The following TUBA3D variants were observed in gnomAD, a reference collection of about 807,000 sequenced individuals.
The protein encoded by TUBA3D is tubulin alpha-3D chain.
Under a neutral mutation model 36.1 loss-of-function variants are expected in TUBA3D, and 24 were observed. The observed-to-expected ratio is 0.66, with a 90% confidence interval of 0.48 to 0.93. The LOEUF is 0.93. Among genes scored for constraint, TUBA3D ranks in the 40% least tolerant of loss-of-function variants. The probability of loss-of-function intolerance (pLI) is 0.00; values close to 1 mark genes in which losing one functional copy is unlikely to be tolerated. For synonymous variants in TUBA3D, 185 were observed against 247.2 expected, an observed-to-expected ratio of 0.75 and a Z score of 2.36; for missense variants, 356 against 614.5, an observed-to-expected ratio of 0.58 and a Z score of 4.45.
chr2:131,480,910 C>CTT (rs375835410), intron 4 of TUBA3D, among the ~76,000 whole-genome samples, 161 bp downstream of exon 4: 81 of 146,118 alleles, frequency 5.5e-4, no homozygotes, highest in African/African-American at 1.9e-3. Context: ...TCAGTGATTT[C>CTT]TTTTTTTTTT....
chr2:131,476,172 G>T lies in TUBA3D; in HGVS notation c.-28G>T. 1 of 1,613,888 alleles carries T rather than the reference G, an allele frequency of 6.2e-7. No homozygotes were observed. Among genetic ancestry groups the T allele is most frequent in the South Asian group, 1.1e-5 (1 of 91,068 alleles). ...GGCAGCCGGTTGAGGTCTGGCAGTA[G>T]CGTTGGGCTGAAGCAGCGGAGTTCG... On this transcript the variant is annotated 5_prime_UTR_variant, in exon 1 of 5. Coordinates refer to ENST00000321253, the MANE Select transcript of TUBA3D (RefSeq NM_080386.4).
At chr2:131,482,486 A>C (rs35676146) in intron 4 of TUBA3D, 66 bp from the exon 5 acceptor site, 3 of 1,536,528 alleles carry the variant, frequency 2.0e-6, no homozygotes, top group Middle Eastern at 3.5e-4. Flanking sequence ...TGTTTGAGGA[A>C]AAGTAGCTAC....
rs752616713 is a variant in TUBA3D, at chr2:131,482,667, T to G, written c.1172T>G (p.Leu391Arg). The change falls in exon 5 of 5, where the codon CTG becomes CGG. Residue 391 changes from leucine to arginine, a missense_variant. Coordinates refer to ENST00000321253, the MANE Select transcript of TUBA3D (RefSeq NM_080386.4). Reference sequence around the variant, plus strand: ...GCCATTGCGGAGGCCTGGGCCCGCCTGGACCATAAGTTCGATCTCATGTAT... The same window carrying G: ...GCCATTGCGGAGGCCTGGGCCCGCCGGGACCATAAGTTCGATCTCATGTAT... ...TTAIAEAWAR[L>R]DHKFDLMYAK... 6.2e-7 allele frequency: 1 copy of G among 1,614,212 alleles called. No individual in the cohort carries two copies. The highest frequency in any genetic ancestry group is 2.2e-5 in the East Asian group (1 of 44,872).
chr2:131,476,273 C>T, intron 1 of TUBA3D, 71 bp downstream of exon 1: 1 of 1,611,084 alleles, frequency 6.2e-7, no homozygotes, highest in Admixed American at 1.7e-5. Flanking sequence ...GACAGAGGGA[C>T]GTTGTTGCGG....
At chr2:131,478,449 C>T (rs879105735) in intron 2 of TUBA3D, 63 bp downstream of exon 2, 6 of 1,434,602 alleles carry the variant, frequency 4.2e-6, no homozygotes, top group Admixed American at 4.4e-5. Context: ...GGTAAAGCCC[C>T]GTGTGGGCTC....
At chr2:131,476,278 T>C (rs1005421286) in intron 1 of TUBA3D, 76 bp downstream of exon 1, 7 of 1,609,974 alleles carry the variant, frequency 4.3e-6, no homozygotes, top group Non-Finnish European at 5.9e-6. Context: ...AGGGACGTTG[T>C]TGCGGGCCTG....
At chr2:131,482,105 T>A (rs1222043223) in intron 4 of TUBA3D, among the ~76,000 whole-genome samples, 1 of 152,248 alleles carries the variant, frequency 6.6e-6, no homozygotes, top group Non-Finnish European at 1.5e-5. Context: ...TACCTTTGCA[T>A]ATCCACAGTG....
rs1402777356 is a variant in TUBA3D, at chr2:131,482,605, G to A, written c.1110G>A (p.Lys370=). 3 of 1,613,968 alleles carry A rather than the reference G, an allele frequency of 1.9e-6. No homozygotes were observed. The highest frequency in any genetic ancestry group is 2.5e-6 in the Non-Finnish European group (3 of 1,179,896). ...PTVVPGGDLA[K]VQRAVCMLSN... is the part of the protein sequence containing the mutation. ...TGGTCCCCGGGGGAGACCTGGCCAA[G>A]GTGCAGCGGGCCGTGTGCATGCTGA... is the stretch of plus-strand genomic sequence containing the variant. The change falls in exon 5 of 5, where the codon AAG becomes AAA. Residue 370 remains lysine (K), a synonymous_variant. Transcript: ENST00000321253.
rs144693747 is a variant in TUBA3D, at chr2:131,480,491, C to G, written c.798C>G (p.His266Gln). ...ACCTAGTGCCGTACCCCCGCATCCACTTCCCCCTGGCCACCTATGCCCCAG... is the reference window on the plus strand; with the variant it reads ...ACCTAGTGCCGTACCCCCGCATCCAGTTCCCCCTGGCCACCTATGCCCCAG... ...QTNLVPYPRI[H>Q]FPLATYAPVI... The change falls in exon 4 of 5, where the codon CAC becomes CAG. Residue 266 changes from histidine to glutamine, a missense_variant. This residue lies in a region of TUBA3D where 91 missense variants were observed against 240.9 expected (regional missense o/e 0.38). Transcript: ENST00000321253. 1 of 1,590,582 alleles carries G rather than the reference C, an allele frequency of 6.3e-7. No homozygotes were observed. The highest frequency in any genetic ancestry group is 8.5e-7 in the Non-Finnish European group (1 of 1,172,364).
At chr2:131,479,263 A>T (rs1187521198) in intron 2 of TUBA3D, 45 bp from the exon 3 acceptor site, 1 of 1,595,902 alleles carries the variant, frequency 6.3e-7, no homozygotes, top group Non-Finnish European at 8.6e-7. Flanking sequence ...CATCTTGGTG[A>T]GTACAGGCCT....
At position 131,482,572 on chromosome 2, in the gene TUBA3D, C is replaced by T; in HGVS notation, c.1077C>T (p.Pro359=). The T allele has an allele frequency of 6.2e-7, 1 of 1,610,068 alleles. No individual in the cohort carries two copies. Among genetic ancestry groups the T allele is most frequent in the Non-Finnish European group, 8.5e-7 (1 of 1,177,090 alleles). The change falls in exon 5 of 5, where the codon CCC becomes CCT. Residue 359 remains proline (P), a synonymous_variant. Transcript: ENST00000321253. ...TGFKVGINYQ[P]PTVVPGGDLA... ...GGCAGGTGGGCATTAACTACCAGCC[C>T]CCCACAGTGGTCCCCGGGGGAGACC...
chr2:131,478,838 A>G (rs184486149), intron 2 of TUBA3D: 1 of 214,092 alleles, frequency 4.7e-6, no homozygotes, highest in Admixed American at 5.1e-5. Flanking sequence ...AGAGCTACAA[A>G]GAGGCAGCAC....
rs375649576 is a variant in TUBA3D at position 131,480,518 on chromosome 2, C to A, written c.825C>A (p.Val275=). ...TCCCCCTGGCCACCTATGCCCCAGT[C>A]ATCTCAGCTGAGAAGGCCTACCACG... is the stretch of plus-strand genomic sequence containing the variant. ...IHFPLATYAP[V]ISAEKAYHEQ... is the part of the protein sequence containing the mutation. The change falls in exon 4 of 5, where the codon GTC becomes GTA. Residue 275 remains valine (V), a synonymous_variant. Transcript: ENST00000321253. 5 of 1,601,758 alleles carry A rather than the reference C, an allele frequency of 3.1e-6. No individual in the cohort carries two copies. The highest frequency in any genetic ancestry group is 4.2e-6 in the Non-Finnish European group (5 of 1,176,826).
At chr2:131,478,792 T>C (rs546262618) in intron 2 of TUBA3D, 22 of 225,200 alleles carry the variant, frequency 9.8e-5, no homozygotes, top group Middle Eastern at 1.8e-3. Context: ...AGTCATTTGC[T>C]TCCTTCAGAT....
At chr2:131,481,074 T>C (rs1456957472) in intron 4 of TUBA3D, among the ~76,000 whole-genome samples, 3 of 151,774 alleles carry the variant, frequency 2.0e-5, no homozygotes, top group Non-Finnish European at 4.4e-5. Flanking sequence ...CGGCTAATTT[T>C]TGTATTTTTA....
At position 131,480,653 on chromosome 2, in the gene TUBA3D, G is replaced by T. The variant is rs1394540398; in HGVS notation, c.960G>T (p.Arg320Ser). Residue 320 changes from arginine to serine, a missense_variant, in exon 4 of 5, where the codon AGG (arginine) becomes AGT (serine). Coordinates refer to ENST00000321253, the MANE Select transcript of TUBA3D (RefSeq NM_080386.4). Reference protein sequence around the residue: ...GKYMACCMLYRGDVVPKDVNA... With the variant: ...GKYMACCMLYSGDVVPKDVNA... ...ACATGGCCTGCTGCATGTTGTACAG[G>T]GGGGACGTGGTCCCCAAAGACGTCA... 6.2e-7 allele frequency: 1 copy of T among 1,613,818 alleles called. No homozygotes were observed. Among genetic ancestry groups the T allele is most frequent in the Non-Finnish European group, 8.5e-7 (1 of 1,180,034 alleles).
chr2:131,480,301 T>A lies in TUBA3D; in HGVS notation c.608T>A (p.Met203Lys). The change falls in exon 4 of 5, where the codon ATG becomes AAG. Residue 203 changes from methionine (M) to lysine (K), a missense_variant. By Grantham distance (95) the Met-to-Lys change is moderately conservative (BLOSUM62 -1). Transcript: ENST00000321253. ...CTGGAACATTCTGACTGTGCCTTCA[T>A]GGTCGACAATGAAGCCATCTATGAC... ...TTLEHSDCAF[M>K]VDNEAIYDIC... 1 of 1,613,522 alleles carries A rather than the reference T, an allele frequency of 6.2e-7. No homozygotes were observed. Among genetic ancestry groups the A allele is most frequent in the Non-Finnish European group, 8.5e-7 (1 of 1,180,024 alleles).
In TUBA3D at chr2:131,476,189, C is replaced by G; in HGVS notation, c.-11C>G. The G allele has an allele frequency of 6.2e-7, 1 of 1,613,950 alleles. No individual in the cohort carries two copies. Among genetic ancestry groups the G allele is most frequent in the Non-Finnish European group, 8.5e-7 (1 of 1,179,986 alleles). On this transcript the variant is annotated 5_prime_UTR_variant, in exon 1 of 5. Transcript: ENST00000321253. ...TGGCAGTAGCGTTGGGCTGAAGCAGCGGAGTTCGCCATGGTAAGGCCCGGG... is the reference window on the plus strand; with the variant it reads ...TGGCAGTAGCGTTGGGCTGAAGCAGGGGAGTTCGCCATGGTAAGGCCCGGG...
In TUBA3D at chr2:131,478,507, T is replaced by C. The variant is rs866128535; in HGVS notation, c.226+121T>C. The C allele has an allele frequency of 4.5e-5, 62 of 1,378,176 alleles. No individual in the cohort carries two copies. The South Asian group carries it at 8.4e-4, about 19-fold the overall frequency. The allele number at this position is 1,378,176 out of a possible 1,614,324, so 85.4% of individuals were successfully genotyped here. A position where few individuals can be genotyped will look rare whatever the true frequency, so the allele number is the denominator to read the frequency against. ...GATGGGATAGACAGGCATATGCCCA[T>C]GGCATTGTTAGGAGAGAAACTGAAA... is the stretch of plus-strand genomic sequence containing the variant. On this transcript the variant is annotated intron_variant, in intron 2 of 4. Coordinates refer to ENST00000321253, the MANE Select transcript of TUBA3D (RefSeq NM_080386.4).
Sources: gnomAD v4.1 joint callset for allele counts (sites outside exome capture counted in the v4.1 genomes callset) on GRCh38, gnomAD v4.1.1 for gene constraint, gnomAD v4.1.1 regional missense constraint, MANE v1.5 for transcripts, NCBI Gene and HGNC (gene_info 2026-07-23, HGNC 2026-07-21) for gene names.